The following GRID1 variants were observed in gnomAD, a reference collection of about 807,000 sequenced individuals.
GRID1 encodes the protein glutamate ionotropic receptor delta type subunit 1, also known as glutamate receptor ionotropic, delta-1.
A neutral mutation model predicts 98.0 loss-of-function variants in GRID1; 28 were observed. The ratio of observed to expected loss-of-function variants is 0.29; its 90% confidence interval spans 0.21 to 0.39. The LOEUF (loss-of-function observed/expected upper bound fraction) is 0.39, where lower values mean the gene tolerates loss of function less well. GRID1 is among the 10% of genes least tolerant of loss of function. GRID1 has a pLI of 1.00. For missense variants in GRID1, 1,111 were observed against 1,340.5 expected, an observed-to-expected ratio of 0.83 and a Z score of 2.67; for synonymous variants, 553 against 538.5, an observed-to-expected ratio of 1.03 and a Z score of -0.37.
chr10:86,324,598 T>G (rs1848017643), intron 2 of GRID1, among the ~76,000 whole-genome samples: 1 of 102,818 alleles, frequency 9.7e-6, no homozygotes, highest in Non-Finnish European at 2.7e-5. Flanking sequence ...AAAACTGCTT[T>G]AAGGAACAAA....
chr10:86,163,423 T>TC (rs1313247346), intron 3 of GRID1, among the ~76,000 whole-genome samples: 1 of 151,474 alleles, frequency 6.6e-6, no homozygotes, highest in Non-Finnish European at 1.5e-5. Flanking sequence ...TTTTTTTTTT[T>TC]TCATTATACT....
At chr10:85,907,444 G>A (rs943939503) in intron 5 of GRID1, among the ~76,000 whole-genome samples, 3 of 152,000 alleles carry the variant, frequency 2.0e-5, no homozygotes, top group African/African-American at 7.2e-5. Flanking sequence ...TAGATGAAAC[G>A]GAAAAATTTC....
At chr10:86,295,962 C>A (rs1054781677) in intron 2 of GRID1, among the ~76,000 whole-genome samples, 2 of 152,244 alleles carry the variant, frequency 1.3e-5, no homozygotes, top group African/African-American at 2.4e-5. Context: ...AGTGTCCCTA[C>A]CTTCTTGCTC....
At chr10:85,848,510 A>G (rs1364045004) in intron 8 of GRID1, among the ~76,000 whole-genome samples, 2 of 152,206 alleles carry the variant, frequency 1.3e-5, no homozygotes, top group Admixed American at 1.3e-4. Flanking sequence ...TCCCAATATA[A>G]CATTTAGTAG....
At chr10:85,902,272 T>C (rs550697319) in intron 5 of GRID1, among the ~76,000 whole-genome samples, 2 of 152,142 alleles carry the variant, frequency 1.3e-5, no homozygotes, top group Non-Finnish European at 2.9e-5. Context: ...GCATACAGTG[T>C]GGAGACCCTG....
chr10:85,906,903 A>C (rs1841468921), intron 5 of GRID1, among the ~76,000 whole-genome samples: 1 of 152,208 alleles, frequency 6.6e-6, no homozygotes. Flanking sequence ...ATGGAAATTG[A>C]AAAACAATAG....
intron 8 of GRID1, among the ~76,000 whole-genome samples, chr10:85,772,175 A>G (rs993426705): frequency 1.2e-4 from 19 of 152,152 alleles, no homozygotes; most frequent in African/African-American, 4.3e-4. Context: ...AACTCACTCA[A>G]AACCACTCAA....
rs531882224 is a variant in GRID1 at position 85,619,334 on chromosome 10, G to A, written c.2360+533C>T. Among the ~76,000 whole-genome samples, 6 of 152,340 alleles carry A rather than the reference G, an allele frequency of 3.9e-5. No individual in the cohort carries two copies. In the South Asian group the frequency reaches 1.0e-3, roughly 26 times the overall value. ...AATCAGAGGCCCCATACAGCCACGTGCAAATAAATATGGAGACATTCTGCT... is the reference window on the plus strand; with the variant it reads ...AATCAGAGGCCCCATACAGCCACGTACAAATAAATATGGAGACATTCTGCT... On this transcript the variant is annotated intron_variant, in intron 14 of 15. Coordinates refer to ENST00000327946, the MANE Select transcript of GRID1 (RefSeq NM_017551.3).
At chr10:86,110,678 G>A (rs909788548) in intron 4 of GRID1, among the ~76,000 whole-genome samples, 2 of 152,188 alleles carry the variant, frequency 1.3e-5, no homozygotes, top group Non-Finnish European at 2.9e-5. Flanking sequence ...CAGCTGTAAC[G>A]TTGGGAAAGA....
chr10:85,698,956 G>C (rs1841423167), intron 12 of GRID1, among the ~76,000 whole-genome samples: 2 of 151,842 alleles, frequency 1.3e-5, no homozygotes, highest in East Asian at 1.9e-4. Context: ...TAAGGTGTCT[G>C]TTCAGAATTT....
At chr10:86,168,308 TC>T (rs1225534643) in intron 3 of GRID1, among the ~76,000 whole-genome samples, 1 of 152,156 alleles carries the variant, frequency 6.6e-6, no homozygotes, top group African/African-American at 2.4e-5. Context: ...AGGCACACAA[TC>T]TCACCAGGCT....
intron 2 of GRID1, among the ~76,000 whole-genome samples, chr10:86,343,026 A>G (rs560340310): frequency 3.0e-4 from 45 of 152,242 alleles, no homozygotes; most frequent in Non-Finnish European, 5.3e-4. Context: ...AAGGATCAAC[A>G]GAGGACTTTA....
intron 5 of GRID1, among the ~76,000 whole-genome samples, chr10:85,900,285 A>G (rs1480516049): frequency 6.6e-6 from 1 of 152,168 alleles, no homozygotes; most frequent in East Asian, 1.9e-4. Flanking sequence ...TGTGGTGCAT[A>G]ATGATTATCC....
intron 4 of GRID1, among the ~76,000 whole-genome samples, chr10:86,133,464 C>A (rs1417806657): frequency 1.3e-5 from 2 of 152,238 alleles, no homozygotes; most frequent in African/African-American, 4.8e-5. Flanking sequence ...GAACGTCCCA[C>A]CTGCAGGAGC....
intron 2 of GRID1, among the ~76,000 whole-genome samples, chr10:86,275,118 G>A (rs1283178196): frequency 1.3e-5 from 2 of 152,142 alleles, no homozygotes; most frequent in African/African-American, 4.8e-5. Flanking sequence ...TGTTGTTGTT[G>A]TTTTGTTTTT....
Position 85,602,415 on chromosome 10 carries a change from G to T in GRID1, c.2888C>A (p.Ser963Tyr). Residue 963 changes from serine (S) to tyrosine (Y), a missense_variant, in exon 16 of 16, where the codon TCC (serine) becomes TAC (tyrosine). Transcript: ENST00000327946. ...LPLSSSATMP[S>Y]MQCKHRSPNG... ...GGGTGACCTGTGTTTGCACTGCATGGAGGGCATGGTCGCCGAGCTGCTCAG... is the reference window on the plus strand; with the variant it reads ...GGGTGACCTGTGTTTGCACTGCATGTAGGGCATGGTCGCCGAGCTGCTCAG... 1.9e-6 allele frequency: 3 copies of T among 1,614,068 alleles called. No individual in the cohort carries two copies. The highest frequency in any genetic ancestry group is 2.5e-6 in the Non-Finnish European group (3 of 1,179,998).
intron 8 of GRID1, among the ~76,000 whole-genome samples, chr10:85,799,278 G>A (rs1231085665): frequency 6.6e-6 from 1 of 152,062 alleles, no homozygotes; most frequent in Admixed American, 6.6e-5. Context: ...AAAGTGTAAT[G>A]CCTCCAGCTT....
chr10:86,112,969 A>G (rs557368372), intron 4 of GRID1, among the ~76,000 whole-genome samples: 6 of 152,314 alleles, frequency 3.9e-5, no homozygotes, highest in African/African-American at 1.2e-4. Flanking sequence ...GAAGTTGGGT[A>G]TTTAAAGTAC....
At chr10:85,736,655 G>GT (rs899202864) in intron 8 of GRID1, among the ~76,000 whole-genome samples, 4 of 152,056 alleles carry the variant, frequency 2.6e-5, no homozygotes, top group South Asian at 2.1e-4. Context: ...ATCTACTAGG[G>GT]TTTTTTTTCT....
Sources: allele counts gnomAD v4.1 joint callset (sites outside exome capture counted in the v4.1 genomes callset), GRCh38; gene constraint gnomAD v4.1.1; transcripts MANE v1.5; gene names NCBI Gene and HGNC (gene_info 2026-07-23, HGNC 2026-07-21).